Variants in ASIC2 observed in about 807,000 individuals in gnomAD.
The protein encoded by ASIC2 is acid sensing ion channel subunit 2, also known as acid-sensing ion channel 2.
ASIC2 carries 25 observed loss-of-function variants against 57.3 expected under a neutral mutation model. The ratio of observed to expected loss-of-function variants is 0.44; its 90% CI spans 0.32 to 0.61. The LOEUF is 0.61. Ranked by LOEUF, ASIC2 falls within the 20% of genes least tolerant of loss-of-function variation. ASIC2 has a pLI of 0.06. For missense variants in ASIC2, 641 were observed against 738.1 expected, an observed-to-expected ratio of 0.87 and a Z score of 1.52; for synonymous variants, 319 against 307.5, an observed-to-expected ratio of 1.04 and a Z score of -0.39.
At chr17:33,669,928 C>G (rs1907593140) in intron 1 of ASIC2, among the ~76,000 whole-genome samples, 1 of 152,064 alleles carries the variant, frequency 6.6e-6, no homozygotes, top group Admixed American at 6.6e-5. Context: ...AGTGCACTGT[C>G]TGAAAAAGGG....
chr17:34,079,706 C>A (rs183514290), intron 1 of ASIC2, among the ~76,000 whole-genome samples: 2 of 152,190 alleles, frequency 1.3e-5, no homozygotes, highest in African/African-American at 4.8e-5. Context: ...GGTGAGTGAG[C>A]CACCCAGGGT....
chr17:33,046,041 C>T (rs539397369), intron 3 of ASIC2, among the ~76,000 whole-genome samples: 5 of 152,302 alleles, frequency 3.3e-5, no homozygotes, highest in South Asian at 4.1e-4. Flanking sequence ...CAGGCGCAGC[C>T]GTGAATTGTT....
chr17:34,146,466 G>A (rs1912419924), intron 1 of ASIC2, among the ~76,000 whole-genome samples: 1 of 152,164 alleles, frequency 6.6e-6, no homozygotes, highest in Non-Finnish European at 1.5e-5. Context: ...GAAGCGGGAA[G>A]GGGAAGGTAG....
intron 1 of ASIC2, among the ~76,000 whole-genome samples, chr17:33,905,058 AAT>A (rs1466110750): frequency 1.3e-5 from 2 of 151,952 alleles, no homozygotes; most frequent in African/African-American, 4.8e-5. Flanking sequence ...ATTGGTCACA[AAT>A]GTTTCTTATG....
chr17:33,891,265 G>A (rs934013395), intron 1 of ASIC2, among the ~76,000 whole-genome samples: 5 of 152,186 alleles, frequency 3.3e-5, no homozygotes, highest in African/African-American at 4.8e-5. Flanking sequence ...GAACTCACTT[G>A]AAAGAAACAG....
intron 1 of ASIC2, among the ~76,000 whole-genome samples, chr17:33,205,603 A>G (rs1907030051): frequency 6.6e-6 from 1 of 152,234 alleles, no homozygotes; most frequent in East Asian, 1.9e-4. Context: ...AACAACCTGA[A>G]CATACTTGGG....
At chr17:33,023,355 T>G (rs1173829067) in intron 6 of ASIC2, among the ~76,000 whole-genome samples, 1 of 151,958 alleles carries the variant, frequency 6.6e-6, no homozygotes, top group Non-Finnish European at 1.5e-5. Context: ...CTGGGCATGG[T>G]GGCGGGCGCC....
At chr17:33,357,464 G>A (rs1908430278) in intron 1 of ASIC2, among the ~76,000 whole-genome samples, 1 of 152,150 alleles carries the variant, frequency 6.6e-6, no homozygotes, top group Admixed American at 6.5e-5. Context: ...ATTTCCTTGA[G>A]CTCAGGGCAG....
chr17:33,703,311 G>GTTTCTT (rs61604440), intron 1 of ASIC2, among the ~76,000 whole-genome samples: 20,706 of 139,114 alleles, frequency 0.15, 1,468 homozygotes, highest in African/African-American at 0.19. Flanking sequence ...TGGTAGTTTG[G>GTTTCTT]TTTCTTTTTC....
At chr17:33,848,221 G>A (rs1913667340) in intron 1 of ASIC2, among the ~76,000 whole-genome samples, 1 of 152,108 alleles carries the variant, frequency 6.6e-6, no homozygotes, top group African/African-American at 2.4e-5. Context: ...TTCTACTGGA[G>A]CTAACATGGG....
intron 1 of ASIC2, among the ~76,000 whole-genome samples, chr17:33,507,315 G>A (rs117711168): frequency 0.051 from 7,817 of 152,244 alleles, 290 homozygotes; most frequent in Non-Finnish European, 0.082. Context: ...AGAGACAGCC[G>A]CAGCTTGGCC....
chr17:33,456,737 C>A (rs544519757), intron 1 of ASIC2, among the ~76,000 whole-genome samples: 2 of 152,266 alleles, frequency 1.3e-5, no homozygotes, highest in Admixed American at 1.3e-4. Flanking sequence ...AGTTATAGTT[C>A]CAGCACTGGA....
intron 1 of ASIC2, among the ~76,000 whole-genome samples, chr17:33,456,074 C>A (rs927260871): frequency 9.8e-5 from 15 of 152,286 alleles, no homozygotes; most frequent in Admixed American, 4.6e-4. Flanking sequence ...CCAACTCCCC[C>A]CAACCCCCAG....
Position 33,066,441 on chromosome 17 carries a change from T to G in ASIC2, c.987+22422A>C, listed in dbSNP as rs375209865. On this transcript the variant is annotated intron_variant, in intron 3 of 9. Coordinates refer to ENST00000225823, the MANE Select transcript of ASIC2 (RefSeq NM_183377.2). ...GTAGAGCTTTGGAGGCCACCCAGCC[T>G]GGTGCTAGGCTTAGGCTGGAGGGTA... 5.9e-5 allele frequency among the ~76,000 whole-genome samples: 9 copies of G among 152,170 alleles called. No individual in the cohort carries two copies. In the East Asian group the frequency reaches 7.7e-4, roughly 13 times the overall value.
chr17:33,205,554 T>C (rs528072644), intron 1 of ASIC2, among the ~76,000 whole-genome samples: 2 of 152,368 alleles, frequency 1.3e-5, no homozygotes, highest in South Asian at 2.1e-4. Flanking sequence ...GATTTCACTA[T>C]GGAACAAACA....
Position 33,531,919 on chromosome 17 carries a change from C to A in ASIC2, c.556-419852G>T, listed in dbSNP as rs545824988. On this transcript the variant is annotated intron_variant, in intron 1 of 9. Transcript: ENST00000359872. ...TCCCACTCGGTTTTCCAGGTGAGGT[C>A]AAGGGCCACATGGAAAGGGAAAAGG... is the stretch of plus-strand genomic sequence containing the variant. 5.9e-5 allele frequency among the ~76,000 whole-genome samples: 9 copies of A among 152,260 alleles called. No individual in the cohort carries two copies. The East Asian group carries it at 1.7e-3, about 29-fold the overall frequency.
At chr17:33,920,992 G>A (rs1178021466) in intron 1 of ASIC2, among the ~76,000 whole-genome samples, 1 of 152,186 alleles carries the variant, frequency 6.6e-6, no homozygotes, top group African/African-American at 2.4e-5. Flanking sequence ...GGAGGATTCA[G>A]GGAACCAATA....
At chr17:33,679,311 T>G (rs1315709219) in intron 1 of ASIC2, among the ~76,000 whole-genome samples, 1 of 152,202 alleles carries the variant, frequency 6.6e-6, no homozygotes, top group Non-Finnish European at 1.5e-5. Flanking sequence ...CCCCTGTTGC[T>G]TTTTATCAAA....
chr17:33,815,110 G>A (rs1289029139), intron 1 of ASIC2, among the ~76,000 whole-genome samples: 1 of 152,100 alleles, frequency 6.6e-6, no homozygotes, highest in Non-Finnish European at 1.5e-5. Flanking sequence ...CTGTGAGTGT[G>A]GGTTAAATAT....
Sources: allele counts gnomAD v4.1 joint callset (sites outside exome capture counted in the v4.1 genomes callset), GRCh38; gene constraint gnomAD v4.1.1; transcripts MANE v1.5; gene names NCBI Gene and HGNC (gene_info 2026-07-23, HGNC 2026-07-21).